TRAPPC8: variants seen among roughly 807,000 people sequenced by gnomAD.
TRAPPC8 encodes trafficking protein particle complex subunit 8.
TRAPPC8 carries 54 observed loss-of-function variants against 174.3 expected under a neutral mutation model. The ratio of observed to expected loss-of-function variants is 0.31; its 90% confidence interval spans 0.25 to 0.39. The LOEUF is 0.39. TRAPPC8 is among the 10% of genes least tolerant of loss of function. TRAPPC8 has a pLI of 1.00. For missense variants in TRAPPC8, 1,531 were observed against 1,699.1 expected (o/e 0.90, Z 1.74); for synonymous variants, 630 against 579.9 (o/e 1.09, Z -1.24).
chr18:31,942,238 C>T (rs2038376457), intron 1 of TRAPPC8, among the ~76,000 whole-genome samples: 1 of 152,230 alleles, frequency 6.6e-6, no homozygotes, highest in South Asian at 2.1e-4. Context: ...CCCTGTCGGT[C>T]TAAGAGGCAG....
intron 25 of TRAPPC8, 83 bp downstream of exon 25, chr18:31,849,483 T>A: frequency 1.7e-6 from 2 of 1,153,106 alleles, no homozygotes; most frequent in Non-Finnish European, 2.3e-6. Context: ...ATAAAAAATA[T>A]AAATAGTAAT....
chr18:31,887,419 C>T (rs1395832824), intron 12 of TRAPPC8, among the ~76,000 whole-genome samples: 3 of 152,054 alleles, frequency 2.0e-5, no homozygotes, highest in African/African-American at 4.8e-5. Flanking sequence ...CCAAGGCGGA[C>T]GGATCACCTG....
chr18:31,876,489 C>CAAAAAAAAAA (rs71175801), intron 12 of TRAPPC8, among the ~76,000 whole-genome samples: 801 of 48,694 alleles, frequency 0.016, 120 homozygotes, highest in African/African-American at 0.036. Context: ...GACTCCATCT[C>CAAAAAAAAAA]AAAAAAAAAA....
At chr18:31,902,094 C>A (rs937612769) in intron 9 of TRAPPC8, among the ~76,000 whole-genome samples, 1 of 152,142 alleles carries the variant, frequency 6.6e-6, no homozygotes, top group Non-Finnish European at 1.5e-5. Context: ...GCGGATGGAT[C>A]ACTTGACATC....
chr18:31,841,066 T>TA (rs1396808657), intron 26 of TRAPPC8, among the ~76,000 whole-genome samples: 1 of 152,114 alleles, frequency 6.6e-6, no homozygotes, highest in African/African-American at 2.4e-5. Flanking sequence ...TTGAAACTGG[T>TA]ATGATATACA....
At chr18:31,858,122 TGTGG>T in intron 19 of TRAPPC8, 140 bp from the exon 20 acceptor site, 1 of 683,790 alleles carries the variant, frequency 1.5e-6, no homozygotes, top group Non-Finnish European at 2.4e-6. Context: ...TCCCTGAATA[TGTGG>T]CAGTTAATGA....
In TRAPPC8 at chr18:31,908,829, T is replaced by A; in HGVS notation, c.1047A>T (p.Arg349=). 6.2e-7 allele frequency: 1 copy of A among 1,613,634 alleles called. No individual in the cohort carries two copies. Among genetic ancestry groups the A allele is most frequent in the East Asian group, 2.2e-5 (1 of 44,870 alleles). ...GAAATGTGAACTCTTGTATAAACTG[T>A]CGAATTCTATCATGATCAGTAAGTG... The part of the protein sequence containing the change: ...CLTLTDHDRI[R]QFIQEFTFRG... The change falls in exon 7 of 29, where the codon CGA becomes CGT. Residue 349 remains arginine, a synonymous_variant. Transcript: ENST00000283351.
chr18:31,885,257 T>C (rs2035651876), intron 12 of TRAPPC8, among the ~76,000 whole-genome samples: 1 of 152,232 alleles, frequency 6.6e-6, no homozygotes, highest in South Asian at 2.1e-4. Flanking sequence ...GGATGTCTTC[T>C]GTATATTCCT....
At chr18:31,889,249 T>C (rs998637026) in intron 12 of TRAPPC8, among the ~76,000 whole-genome samples, 2 of 152,204 alleles carry the variant, frequency 1.3e-5, no homozygotes, top group African/African-American at 4.8e-5. Context: ...ATAGCAAATG[T>C]ATCTCAACCT....
intron 11 of TRAPPC8, among the ~76,000 whole-genome samples, chr18:31,892,481 T>C (rs1000357438): frequency 6.6e-6 from 1 of 152,200 alleles, no homozygotes; most frequent in African/African-American, 2.4e-5. Context: ...TCATATTTTG[T>C]TACTACATAA....
chr18:31,887,850 G>A (rs1007169021), intron 12 of TRAPPC8, among the ~76,000 whole-genome samples: 1 of 151,962 alleles, frequency 6.6e-6, no homozygotes, highest in African/African-American at 2.4e-5. Flanking sequence ...TTCTGGCCAG[G>A]GCAATCAAGC....
At position 31,857,899 on chromosome 18, in the gene TRAPPC8, A is replaced by G. The variant is rs763756640; in HGVS notation, c.2829T>C (p.Cys943=). 2 of 1,614,060 alleles carry G rather than the reference A, an allele frequency of 1.2e-6. No individual in the cohort carries two copies. Among genetic ancestry groups the G allele is most frequent in the Non-Finnish European group, 1.7e-6 (2 of 1,180,018 alleles). The change falls in exon 20 of 29, where the codon TGT becomes TGC. Residue 943 remains cysteine, a synonymous_variant. Coordinates refer to ENST00000283351, the MANE Select transcript of TRAPPC8 (RefSeq NM_014939.5). ...AYVEFVNVSK[C]PLTGLKVVSK... is the part of the protein sequence containing the mutation. ...AAACAACCTTCAATCCAGTAAGTGG[A>G]CATTTGCTGACATTGACAAATTCTA...
intron 25 of TRAPPC8, among the ~76,000 whole-genome samples, chr18:31,847,914 T>C (rs769832951): frequency 6.4e-4 from 98 of 152,244 alleles, no homozygotes; most frequent in Non-Finnish European, 1.1e-3. Context: ...GGAGTTGTAT[T>C]ATGTCCCTTT....
chr18:31,927,350 C>T (rs1489797430), intron 2 of TRAPPC8, among the ~76,000 whole-genome samples: 1 of 151,974 alleles, frequency 6.6e-6, no homozygotes, highest in African/African-American at 2.4e-5. Context: ...GCAACCTCTG[C>T]CTCCCAGGTT....
intron 1 of TRAPPC8, among the ~76,000 whole-genome samples, chr18:31,933,768 T>C (rs1260070507): frequency 6.6e-6 from 1 of 151,992 alleles, no homozygotes; most frequent in Non-Finnish European, 1.5e-5. Flanking sequence ...CTTTTCTACA[T>C]TTCCTATGTG....
At chr18:31,900,429 G>C (rs771652582) in intron 10 of TRAPPC8, among the ~76,000 whole-genome samples, 1 of 152,080 alleles carries the variant, frequency 6.6e-6, no homozygotes, top group Admixed American at 6.5e-5. Flanking sequence ...TTCCTGATAC[G>C]TCTTCATGGT....
intron 25 of TRAPPC8, among the ~76,000 whole-genome samples, chr18:31,849,124 TATGTC>T: frequency 6.6e-6 from 1 of 152,238 alleles, no homozygotes; most frequent in African/African-American, 2.4e-5. Flanking sequence ...ACAGATGAAA[TATGTC>T]ATTTTAAAAA....
chr18:31,885,106 G>T (rs146321959), intron 12 of TRAPPC8, among the ~76,000 whole-genome samples: 1 of 152,016 alleles, frequency 6.6e-6, no homozygotes, highest in African/African-American at 2.4e-5. Flanking sequence ...ATCCGCCTGC[G>T]TCGGCCTCCC....
At chr18:31,881,222 A>G (rs1004301290) in intron 12 of TRAPPC8, among the ~76,000 whole-genome samples, 6 of 152,122 alleles carry the variant, frequency 3.9e-5, no homozygotes, top group African/African-American at 1.4e-4. Flanking sequence ...GAGGCATCAC[A>G]TTCCCCAACT....
Sources: gnomAD v4.1 joint callset for allele counts (sites outside exome capture counted in the v4.1 genomes callset) on GRCh38, gnomAD v4.1.1 for gene constraint, MANE v1.5 for transcripts, NCBI Gene and HGNC (gene_info 2026-07-23, HGNC 2026-07-21) for gene names.